The following ST3GAL4 variants were observed in gnomAD, a reference collection of about 807,000 sequenced individuals.
ST3GAL4 encodes the protein ST3 beta-galactoside alpha-2,3-sialyltransferase 4.
ST3GAL4 carries 24 observed loss-of-function variants against 42.6 expected under a neutral mutation model. The observed-to-expected ratio is 0.56, with a 90% CI of 0.41 to 0.79. The LOEUF (loss-of-function observed/expected upper bound fraction) is 0.79, where lower values mean the gene tolerates loss of function less well. Among genes scored for constraint, ST3GAL4 ranks in the 30% least tolerant of loss-of-function variants. The pLI, the probability that ST3GAL4 is intolerant of heterozygous loss-of-function variation, is 0.00. For synonymous variants in ST3GAL4, 135 were observed against 163.2 expected (o/e 0.83, Z 1.32); for missense variants, 311 against 430.8 (o/e 0.72, Z 2.46).
At chr11:126,382,880 A>G (rs1756617926) in intron 1 of ST3GAL4, among the ~76,000 whole-genome samples, 1 of 152,258 alleles carries the variant, frequency 6.6e-6, no homozygotes, top group African/African-American at 2.4e-5. Flanking sequence ...CTAAAGCCTC[A>G]GGGCTTGAGC....
Position 126,406,892 on chromosome 11 carries a change from G to C in ST3GAL4, c.102-51G>C. The C allele has an allele frequency of 1.3e-6, 2 of 1,522,352 alleles. No individual in the cohort carries two copies. Among genetic ancestry groups the C allele is most frequent in the Non-Finnish European group, 1.8e-6 (2 of 1,098,544 alleles). 94.3% of individuals were successfully genotyped at this position (1,522,352 alleles called of 1,614,324 possible). ...GAAGGCTTAGGCTGCCTGGAACATG[G>C]GTCCCTGGGTCTGACTGGGGCTTCT... On this transcript the variant is annotated intron_variant, in intron 3 of 10. Transcript: ENST00000444328. This position sits in a 1 kb window ranked among gnomAD's most constrained non-coding sequence, Gnocchi z 5.4.
In ST3GAL4 at chr11:126,407,550, C is replaced by T. The variant is rs368030621; in HGVS notation, c.281-24C>T. The T allele has an allele frequency of 2.3e-4, 374 of 1,614,016 alleles. 1 individual carries two copies. The highest frequency in any genetic ancestry group is 1.6e-3 in the Middle Eastern group (10 of 6,062). On this transcript the variant is annotated intron_variant, in intron 5 of 10. Transcript: ENST00000444328. Reference sequence around the variant, plus strand: ...TCAGAATGCTATCTGTCACATCAGTCCCTCCGCCTGGTACTTTTTGTAGAG... The same window carrying T: ...TCAGAATGCTATCTGTCACATCAGTTCCTCCGCCTGGTACTTTTTGTAGAG...
At position 126,396,872 on chromosome 11, in the gene ST3GAL4, C is replaced by T. The variant is rs999890918; in HGVS notation, c.-60-9224C>T. Among the ~76,000 whole-genome samples the T allele has an allele frequency of 1.3e-5, 2 of 151,948 alleles. No homozygotes were observed. The highest frequency in any genetic ancestry group is 6.6e-5 in the Admixed American group (1 of 15,256). Reference sequence around the variant, plus strand: ...AATTATCGTGTTGAACTCACAGGGTCGAGATCATATTTAACACTTTCACAG... The same window carrying T: ...AATTATCGTGTTGAACTCACAGGGTTGAGATCATATTTAACACTTTCACAG... On this transcript the variant is annotated intron_variant, in intron 1 of 10. Transcript: ENST00000444328. This position sits in a 1 kb window ranked among gnomAD's most constrained non-coding sequence, Gnocchi z 5.8.
At chr11:126,395,938 C>G (rs1953732703) in intron 1 of ST3GAL4, among the ~76,000 whole-genome samples, 1 of 152,286 alleles carries the variant, frequency 6.6e-6, no homozygotes, top group South Asian at 2.1e-4. Flanking sequence ...GCACATGTGT[C>G]TCTGTGCATC....
chr11:126,405,021 C>T (rs138282777), intron 1 of ST3GAL4, among the ~76,000 whole-genome samples: 4 of 152,362 alleles, frequency 2.6e-5, no homozygotes, highest in Non-Finnish European at 4.4e-5. Flanking sequence ...CCTGATCAAC[C>T]GTCGGACTCA....
chr11:126,382,811 G>A (rs1470972386), intron 1 of ST3GAL4, among the ~76,000 whole-genome samples: 1 of 152,218 alleles, frequency 6.6e-6, no homozygotes, highest in African/African-American at 2.4e-5. Context: ...GCCTTGACAG[G>A]CGGGAATCTG....
At position 126,411,058 on chromosome 11, in the gene ST3GAL4, G is replaced by A. The variant is rs894572339; in HGVS notation, c.771+1647G>A. On this transcript the variant is annotated intron_variant, in intron 9 of 10. Coordinates refer to ENST00000444328, the MANE Select transcript of ST3GAL4 (RefSeq NM_001254757.2). The surrounding 1 kb of genome is among the most constrained non-coding windows in gnomAD (Gnocchi z 6.3). ...TCATAGGATTACAGATGGAGAGGAG[G>A]CTGGAGAGGGAGATGAGAGAGGGCG... Among the ~76,000 whole-genome samples, 7 of 152,194 alleles carry A rather than the reference G, an allele frequency of 4.6e-5. No homozygotes were observed. Among genetic ancestry groups the A allele is most frequent in the Non-Finnish European group, 1.0e-4 (7 of 68,034 alleles).
intron 1 of ST3GAL4, among the ~76,000 whole-genome samples, chr11:126,372,193 T>A (rs1041348443): frequency 3.3e-5 from 5 of 152,184 alleles, no homozygotes; most frequent in African/African-American, 1.2e-4. Flanking sequence ...AACTGAAACA[T>A]CCTCCTGCTA....
In ST3GAL4 at chr11:126,380,590, G is replaced by A. The variant is rs187482849; in HGVS notation, c.-61+24748G>A. On this transcript the variant is annotated intron_variant, in intron 1 of 10. Transcript: ENST00000444328. ...TGTTAATTTAGCTAATTTTAGTTTT[G>A]TGATACCATTTCTGCATTCAGCCTT... Among the ~76,000 whole-genome samples, 5 of 152,326 alleles carry A rather than the reference G, an allele frequency of 3.3e-5. No individual in the cohort carries two copies. The East Asian group carries it at 9.6e-4, about 29-fold the overall frequency.
rs1440072227 is a variant in ST3GAL4, at chr11:126,366,201, G to A, written c.-61+10359G>A. Among the ~76,000 whole-genome samples the A allele has an allele frequency of 1.3e-5, 2 of 152,224 alleles. No homozygotes were observed. The highest frequency in any genetic ancestry group is 4.8e-5 in the African/African-American group (2 of 41,458). On this transcript the variant is annotated intron_variant, in intron 1 of 10. Coordinates refer to ENST00000444328, the MANE Select transcript of ST3GAL4 (RefSeq NM_001254757.2). The surrounding 1 kb of genome is among the most constrained non-coding windows in gnomAD (Gnocchi z 4.2). ...AAAGTCTATACGAGCCAGAGCTGGG[G>A]TGGGAGGAACCCAGTGGGCCTGGGG...
intron 9 of ST3GAL4, among the ~76,000 whole-genome samples, chr11:126,412,776 G>A (rs1003207351): frequency 1.3e-5 from 2 of 152,232 alleles, no homozygotes; most frequent in South Asian, 2.1e-4. Flanking sequence ...AAGGAGGAGG[G>A]CAGAACACTT....
chr11:126,375,802 A>G (rs1952815105), intron 1 of ST3GAL4, among the ~76,000 whole-genome samples: 1 of 151,760 alleles, frequency 6.6e-6, no homozygotes. Context: ...CAGACCCCGC[A>G]ACAATGAACT....
In ST3GAL4 at chr11:126,376,293, A is replaced by C. The variant is rs1482121704; in HGVS notation, c.-61+20451A>C. Among the ~76,000 whole-genome samples the C allele has an allele frequency of 2.0e-5, 3 of 152,216 alleles. No individual in the cohort carries two copies. The highest frequency in any genetic ancestry group is 4.4e-5 in the Non-Finnish European group (3 of 68,034). ...CTGTGTGAAAGAGAATTTTTCAGGC[A>C]CAATAATATTTTAAAGAGTTTATTT... On this transcript the variant is annotated intron_variant, in intron 1 of 10. Transcript: ENST00000444328. The surrounding 1 kb of genome is among the most constrained non-coding windows in gnomAD (Gnocchi z 5.1).
chr11:126,368,390 G>A (rs190606103), intron 1 of ST3GAL4, among the ~76,000 whole-genome samples: 3 of 152,230 alleles, frequency 2.0e-5, no homozygotes, highest in African/African-American at 7.2e-5. Context: ...TCACCTGCTC[G>A]CAGTCGGCCC....
intron 1 of ST3GAL4, among the ~76,000 whole-genome samples, chr11:126,382,964 G>C (rs1953065604): frequency 6.6e-6 from 1 of 152,232 alleles, no homozygotes; most frequent in Admixed American, 6.5e-5. Context: ...GTGCCGGGTG[G>C]GCTGAGAGGA....
Position 126,407,052 on chromosome 11 carries a change from G to GC in ST3GAL4, c.182+30dup, listed in dbSNP as rs1383171053. ...AGTACTTAAGGATGAGGAGGGTAGA[G>GC]CAGGGCATGGAGCGAGCTGGGATTG... On this transcript the variant is annotated intron_variant, in intron 4 of 10. Coordinates refer to ENST00000444328, the MANE Select transcript of ST3GAL4 (RefSeq NM_001254757.2). The GC allele has an allele frequency of 1.0e-5, 16 of 1,603,108 alleles. 1 individual carries two copies. The Admixed American group carries it at 1.5e-4, about 15-fold the overall frequency.
rs866766978 is a variant in ST3GAL4 at position 126,366,764 on chromosome 11, G to T, written c.-61+10922G>T. Among the ~76,000 whole-genome samples the T allele has an allele frequency of 6.6e-5, 10 of 152,220 alleles. No homozygotes were observed. Among genetic ancestry groups the T allele is most frequent in the African/African-American group, 2.4e-4 (10 of 41,458 alleles). ...CGTCTCAGTGCCCAGCAGATGTTCTGGTGAGGGGAGGCGGGAGTGCAAGGT... is the reference window on the plus strand; with the variant it reads ...CGTCTCAGTGCCCAGCAGATGTTCTTGTGAGGGGAGGCGGGAGTGCAAGGT... On this transcript the variant is annotated intron_variant, in intron 1 of 10. Transcript: ENST00000444328. This position sits in a 1 kb window ranked among gnomAD's most constrained non-coding sequence, Gnocchi z 4.2.
intron 1 of ST3GAL4, among the ~76,000 whole-genome samples, chr11:126,369,258 G>A (rs151172686): frequency 8.7e-5 from 13 of 150,244 alleles, no homozygotes; most frequent in Admixed American, 3.3e-4. Flanking sequence ...CTTTTTTTTG[G>A]GGGGGGGAGG....
At position 126,409,091 on chromosome 11, in the gene ST3GAL4, T is replaced by A. The variant is rs548281641; in HGVS notation, c.628-177T>A. ...TGCCTTTCCTCCTCTCTTTCCCTGG[T>A]CCTCTCCTGGTCTCCCATCTGTGGC... On this transcript the variant is annotated intron_variant, in intron 8 of 10. Coordinates refer to ENST00000444328, the MANE Select transcript of ST3GAL4 (RefSeq NM_001254757.2). The surrounding 1 kb of genome is among the most constrained non-coding windows in gnomAD (Gnocchi z 4.9). 1.3e-5 allele frequency among the ~76,000 whole-genome samples: 2 copies of A among 152,276 alleles called. No homozygotes were observed. The highest frequency in any genetic ancestry group is 4.8e-5 in the African/African-American group (2 of 41,550).
Sources: gnomAD v4.1 joint callset for allele counts (sites outside exome capture counted in the v4.1 genomes callset) on GRCh38, gnomAD v4.1.1 for gene constraint, Gnocchi (gnomAD v3.1) non-coding constraint, MANE v1.5 for transcripts, NCBI Gene and HGNC (gene_info 2026-07-23, HGNC 2026-07-21) for gene names.